Variants in ZNF225 observed in about 807,000 individuals in gnomAD.
ZNF225 encodes the protein zinc finger protein 225.
In ZNF225, 6 loss-of-function variants were observed where a neutral mutation model predicts 12.0. That is an observed-to-expected ratio of 0.50 (90% CI 0.27 to 0.98). ZNF225 has a LOEUF of 0.98. ZNF225 is among the 50% of genes least tolerant of loss of function. The pLI is 0.11. For synonymous variants in ZNF225, 271 were observed against 283.2 expected (o/e 0.96, Z 0.43); for missense variants, 763 against 848.2 (o/e 0.90, Z 1.25).
At position 44,119,420 on chromosome 19, in the gene ZNF225, T is replaced by C. The variant is rs150404513; in HGVS notation, c.235+846T>C. Among the ~76,000 whole-genome samples the C allele has an allele frequency of 2.3e-3, 358 of 152,364 alleles. 3 individuals carry two copies. Among genetic ancestry groups the C allele is most frequent in the Middle Eastern group, 0.01 (3 of 294 alleles). On this transcript the variant is annotated intron_variant, in intron 4 of 4. Coordinates refer to ENST00000262894, the MANE Select transcript of ZNF225 (RefSeq NM_013362.4). ...AATTATCAAGCTGTCTGTAGGTGTT[T>C]GTTTCTTTCTGGATGCTCTTGAGGA...
chr19:44,115,419 T>C (rs2147550986), intron 1 of ZNF225: 1 of 157,112 alleles, frequency 6.4e-6, no homozygotes, highest in East Asian at 1.9e-4. Flanking sequence ...ACTTGCCTAC[T>C]CTGGAATTTC....
intron 3 of ZNF225, 26 bp from the exon 4 acceptor site, chr19:44,118,456 A>G: frequency 6.2e-7 from 1 of 1,613,434 alleles, no homozygotes; most frequent in Non-Finnish European, 8.5e-7. Flanking sequence ...TATTGGCACT[A>G]AGCACATGAC....
At chr19:44,118,033 TA>T (rs1469572666) in intron 2 of ZNF225, among the ~76,000 whole-genome samples, 154 bp from the exon 3 acceptor site, 1 of 151,694 alleles carries the variant, frequency 6.6e-6, no homozygotes, top group Non-Finnish European at 1.5e-5. Flanking sequence ...AATAAATAAA[TA>T]AAATAAAATA....
At chr19:44,129,071 G>A in intron 4 of ZNF225, 1 of 1,231,552 alleles carries the variant, frequency 8.1e-7, no homozygotes, top group Non-Finnish European at 1.0e-6. Context: ...CATCAAAACT[G>A]AAGGTTTCTG....
intron 4 of ZNF225, among the ~76,000 whole-genome samples, chr19:44,124,760 A>C (rs537124779): frequency 1.5e-4 from 23 of 152,320 alleles, no homozygotes; most frequent in African/African-American, 5.3e-4. Context: ...CTTTTACATT[A>C]TATAATGTCC....
chr19:44,125,639 T>C (rs994735393), intron 4 of ZNF225, among the ~76,000 whole-genome samples: 1 of 152,236 alleles, frequency 6.6e-6, no homozygotes, highest in Admixed American at 6.5e-5. Context: ...TTTCCAAGCT[T>C]TTAGAATTCT....
chr19:44,117,064 T>A (rs1449497487), intron 2 of ZNF225, among the ~76,000 whole-genome samples: 4 of 152,212 alleles, frequency 2.6e-5, no homozygotes, highest in Admixed American at 6.5e-5. Context: ...TGGAATACTA[T>A]GCAGACATGA....
chr19:44,132,014 G>A lies in ZNF225; in HGVS notation c.1400G>A (p.Trp467Ter). 6.2e-7 allele frequency: 1 copy of A among 1,613,862 alleles called. No individual in the cohort carries two copies. The highest frequency in any genetic ancestry group is 8.5e-7 in the Non-Finnish European group (1 of 1,179,960). Residue 467 changes from tryptophan to a stop codon, truncating the protein, a stop_gained, in exon 5 of 5, where the codon TGG becomes TAG. Transcript: ENST00000262894. LOFTEE classifies it low-confidence loss of function (END_TRUNC). ...NCKECGKSFG[W>*]ASCLLNHQRI... ...AAGGAATGTGGGAAGAGCTTTGGCT[G>A]GGCCTCGTGTCTTTTGAATCATCAG...
intron 2 of ZNF225, among the ~76,000 whole-genome samples, chr19:44,117,697 T>C (rs997241854): frequency 6.6e-6 from 1 of 152,142 alleles, no homozygotes; most frequent in Non-Finnish European, 1.5e-5. Flanking sequence ...AATCCATCAT[T>C]ATCAGGATAC....
chr19:44,127,978 C>G (rs755012141), intron 4 of ZNF225, among the ~76,000 whole-genome samples: 7 of 152,198 alleles, frequency 4.6e-5, no homozygotes, highest in Non-Finnish European at 7.3e-5. Flanking sequence ...TCTGATGTCT[C>G]CTTCTGAAAC....
intron 4 of ZNF225, among the ~76,000 whole-genome samples, chr19:44,120,164 C>T (rs1158589241): frequency 6.6e-6 from 1 of 152,086 alleles, no homozygotes; most frequent in African/African-American, 2.4e-5. Context: ...TTGCAGTGAG[C>T]CGAGATGGCG....
chr19:44,128,493 C>T (rs1180209997), intron 4 of ZNF225: 2 of 152,232 alleles, frequency 1.3e-5, no homozygotes, highest in Non-Finnish European at 2.9e-5. Flanking sequence ...TATCCATGTA[C>T]TAATGTGCAC....
intron 3 of ZNF225, 61 bp downstream of exon 3, chr19:44,118,375 G>A: frequency 6.2e-7 from 1 of 1,610,650 alleles, no homozygotes; most frequent in South Asian, 1.1e-5. Context: ...GTATCCTAGA[G>A]TGTTCAAGTT....
rs759185538 is a variant in ZNF225 at position 44,132,124 on chromosome 19, A to G, written c.1510A>G (p.Arg504Gly). The G allele has an allele frequency of 1.6e-5, 26 of 1,613,960 alleles. No homozygotes were observed. Among genetic ancestry groups the G allele is most frequent in the African/African-American group, 8.0e-5 (6 of 74,920 alleles). ...GAATTCACAACTTTATACCCATCGTAGAGTCCACAGTGGAGAAAAACCATT... is the reference window on the plus strand; with the variant it reads ...GAATTCACAACTTTATACCCATCGTGGAGTCCACAGTGGAGAAAAACCATT... ...TQNSQLYTHRRVHSGEKPFKC... is the reference protein window; with the variant it reads ...TQNSQLYTHRGVHSGEKPFKC... Residue 504 changes from arginine to glycine, a missense_variant, in exon 5 of 5, where the codon AGA becomes GGA. Physicochemically the swap from Arg to Gly is moderately radical, Grantham distance 125. Coordinates refer to ENST00000262894, the MANE Select transcript of ZNF225 (RefSeq NM_013362.4).
At position 44,131,642 on chromosome 19, in the gene ZNF225, G is replaced by C; in HGVS notation, c.1028G>C (p.Arg343Pro). 7 of 1,614,042 alleles carry C rather than the reference G, an allele frequency of 4.3e-6. No individual in the cohort carries two copies. The highest frequency in any genetic ancestry group is 5.9e-6 in the Non-Finnish European group (7 of 1,180,004). The change falls in exon 5 of 5, where the codon CGG becomes CCG. Residue 343 changes from arginine (R) to proline (P), a missense_variant. By Grantham distance (103) the Arg-to-Pro change is moderately radical. Coordinates refer to ENST00000262894, the MANE Select transcript of ZNF225 (RefSeq NM_013362.4). ...SHRMVHTGEK[R>P]YKCEECGKRF... is the part of the protein sequence containing the mutation. ...CGCATGGTCCACACAGGAGAGAAAC[G>C]GTACAAATGTGAGGAATGTGGAAAA... is the stretch of plus-strand genomic sequence containing the variant.
chr19:44,119,142 A>G (rs529370565), intron 4 of ZNF225, among the ~76,000 whole-genome samples: 132 of 152,192 alleles, frequency 8.7e-4, no homozygotes, highest in African/African-American at 2.9e-3. Context: ...TTAAGTTACA[A>G]GTGTTTTAAG....
chr19:44,131,360 T>G lies in ZNF225; in HGVS notation c.746T>G (p.Val249Gly), dbSNP rs1265168029. The G allele has an allele frequency of 1.2e-6, 2 of 1,614,106 alleles. No individual in the cohort carries two copies. The highest frequency in any genetic ancestry group is 1.7e-5 in the Admixed American group (1 of 60,020). ...KGFSRRSGLY[V>G]HRKLHTGVKP... is the part of the protein sequence containing the mutation. ...TTTAGTCGTAGATCAGGACTTTATG[T>G]TCATCGTAAATTACACACAGGAGTG... Residue 249 changes from valine to glycine, a missense_variant, in exon 5 of 5, where the codon GTT becomes GGT. By Grantham distance (109) the Val-to-Gly change is moderately radical (BLOSUM62 -3). Transcript: ENST00000262894.
chr19:44,118,325 G>C lies in ZNF225; in HGVS notation c.142+11G>C. 1 of 1,611,152 alleles carries C rather than the reference G, an allele frequency of 6.2e-7. No homozygotes were observed. The highest frequency in any genetic ancestry group is 8.5e-7 in the Non-Finnish European group (1 of 1,178,854). ...ACCTGCTCTCAGTGGGTGAGGACAG[G>C]CACCCTTTGTAAGGGAACATCAGGA... On this transcript the variant is annotated intron_variant, in intron 3 of 4. Transcript: ENST00000262894.
rs188127154 is a variant in ZNF225, at chr19:44,130,996, G to A, written c.382G>A (p.Asp128Asn). Reference sequence around the variant, plus strand: ...AAACAGCTTTCAGTTCTCCAAACAAGATGATATGCCCTGCCAGGTTGATGC... The same window carrying A: ...AAACAGCTTTCAGTTCTCCAAACAAAATGATATGCCCTGCCAGGTTGATGC... ...MVNSFQFSKQDDMPCQVDAGL... is the reference protein window; with the variant it reads ...MVNSFQFSKQNDMPCQVDAGL... The change falls in exon 5 of 5, where the codon GAT becomes AAT. Residue 128 changes from aspartate to asparagine, a missense_variant. Transcript: ENST00000262894. The A allele has an allele frequency of 6.2e-7, 1 of 1,614,004 alleles. No individual in the cohort carries two copies. The highest frequency in any genetic ancestry group is 1.7e-5 in the Admixed American group (1 of 60,020).
Sources: gnomAD v4.1 joint callset for allele counts (sites outside exome capture counted in the v4.1 genomes callset) on GRCh38, gnomAD v4.1.1 for gene constraint, MANE v1.5 for transcripts, NCBI Gene and HGNC (gene_info 2026-07-23, HGNC 2026-07-21) for gene names.